Variants in NSG1 observed in about 807,000 individuals in gnomAD.
NSG1 encodes neuronal vesicle trafficking associated 1.
NSG1 carries 9 observed loss-of-function variants against 19.3 expected under a neutral mutation model. The ratio of observed to expected loss-of-function variants is 0.47; its 90% CI spans 0.28 to 0.81. NSG1 has a LOEUF of 0.81. NSG1 is among the 40% of genes least tolerant of loss of function. The pLI, the probability that NSG1 is intolerant of heterozygous loss-of-function variation, is 0.11. For synonymous variants in NSG1, 104 were observed against 107.0 expected (o/e 0.97, Z 0.17); for missense variants, 236 against 242.4 (o/e 0.97, Z 0.18).
In NSG1 at chr4:4,417,333, G is replaced by A. The variant is rs1464785305; in HGVS notation, c.456G>A (p.Leu152=). 6.2e-7 allele frequency: 1 copy of A among 1,614,150 alleles called. No individual in the cohort carries two copies. Among genetic ancestry groups the A allele is most frequent in the Non-Finnish European group, 8.5e-7 (1 of 1,180,040 alleles). Reference sequence around the variant, plus strand: ...ACACAGTCATAAACCACTACAACCTGGCCAAGCAGAGCATCACGCGCTCCG... The same window carrying A: ...ACACAGTCATAAACCACTACAACCTAGCCAAGCAGAGCATCACGCGCTCCG... ...KFYTVINHYN[L]AKQSITRSVS... Residue 152 remains leucine, a synonymous_variant, in exon 5 of 5, where the codon CTG becomes CTA. Coordinates refer to ENST00000621129, the MANE Select transcript of NSG1 (RefSeq NM_014392.5).
intron 4 of NSG1, chr4:4,416,077 CTTCTT>C: frequency 1.4e-6 from 1 of 702,364 alleles, no homozygotes; most frequent in Non-Finnish European, 2.6e-6. Context: ...CACATCCTGG[CTTCTT>C]TACTTGAGCC....
chr4:4,387,561 C>CGGGGGTGGGTGGGG, intron 1 of NSG1, 43 bp from the exon 2 acceptor site: 10 of 1,141,970 alleles, frequency 8.8e-6, no homozygotes, highest in East Asian at 2.7e-5. Context: ...CGCCCCGCCC[C>CGGGGGTGGGTGGGG]GGGTCTTGCT....
chr4:4,388,619 C>T (rs1722854437), intron 2 of NSG1, among the ~76,000 whole-genome samples: 1 of 152,246 alleles, frequency 6.6e-6, no homozygotes, highest in African/African-American at 2.4e-5. Context: ...ACCACCACAG[C>T]CACGAATAAT....
intron 3 of NSG1, among the ~76,000 whole-genome samples, chr4:4,402,371 ATTTTTTTTTTTTTTTTT>A (rs1161754574): frequency 0.066 from 3,568 of 54,036 alleles, 278 homozygotes; most frequent in African/African-American, 0.2. Flanking sequence ...ACGCCTGGTT[ATTTTTTTTTTTTTTTTT>A]TTTTTTTTTT....
At chr4:4,413,719 G>A (rs1724356377) in intron 4 of NSG1, among the ~76,000 whole-genome samples, 1 of 151,882 alleles carries the variant, frequency 6.6e-6, no homozygotes, top group Non-Finnish European at 1.5e-5. Flanking sequence ...CCCTGGAGGA[G>A]GGGGAAGTGA....
chr4:4,412,946 C>A (rs1333831465), intron 4 of NSG1, among the ~76,000 whole-genome samples: 1 of 152,120 alleles, frequency 6.6e-6, no homozygotes, highest in African/African-American at 2.4e-5. Flanking sequence ...CGCAGAGAGT[C>A]CTTACGCGAT....
At chr4:4,391,333 C>T in intron 2 of NSG1, 142 bp from the exon 3 acceptor site, 1 of 632,520 alleles carries the variant, frequency 1.6e-6, no homozygotes. Context: ...GAGGAGATTT[C>T]CAAAAAGTAG....
upstream of NSG1, chr4:4,386,945 G>T (rs2108714829): frequency 6.6e-6 from 1 of 152,196 alleles, no homozygotes; most frequent in East Asian, 1.9e-4. Context: ...GGCGGGCGCT[G>T]CGTCAAGGTG....
At chr4:4,394,304 G>A (rs1020951689) in intron 3 of NSG1, among the ~76,000 whole-genome samples, 6 of 152,134 alleles carry the variant, frequency 3.9e-5, no homozygotes, top group South Asian at 2.1e-4. Context: ...AATGTGCGGC[G>A]CCCTCCTTCC....
intron 3 of NSG1, among the ~76,000 whole-genome samples, chr4:4,406,039 T>C (rs1287994328): frequency 2.0e-5 from 3 of 152,210 alleles, no homozygotes; most frequent in Non-Finnish European, 4.4e-5. Flanking sequence ...AACCCTCTTC[T>C]TTTTTTGAGA....
chr4:4,400,137 G>A (rs1436058774), intron 3 of NSG1, among the ~76,000 whole-genome samples: 1 of 152,212 alleles, frequency 6.6e-6, no homozygotes, highest in African/African-American at 2.4e-5. Context: ...ACTCAATTGA[G>A]TTAGTTTTTA....
At chr4:4,417,029 C>T (rs1409466957) in intron 4 of NSG1, among the ~76,000 whole-genome samples, 1 of 152,178 alleles carries the variant, frequency 6.6e-6, no homozygotes, top group Non-Finnish European at 1.5e-5. Flanking sequence ...ATGGCACTCA[C>T]CAGCCAGTCT....
chr4:4,402,080 G>A (rs969503390), intron 3 of NSG1, among the ~76,000 whole-genome samples: 47 of 141,554 alleles, frequency 3.3e-4, no homozygotes, highest in Middle Eastern at 8.3e-3. Context: ...GCAGAAATGA[G>A]TTATCCCTAT....
Position 4,418,031 on chromosome 4 carries a change from T to C in NSG1, c.*596T>C, listed in dbSNP as rs953279010. The C allele has an allele frequency of 1.3e-5, 2 of 157,112 alleles. No individual in the cohort carries two copies. Among genetic ancestry groups the C allele is most frequent in the African/African-American group, 4.8e-5 (2 of 41,434 alleles). 9.7% of individuals were successfully genotyped at this position (157,112 alleles called of 1,614,324 possible). On this transcript the variant is annotated 3_prime_UTR_variant, in exon 5 of 5. Coordinates refer to ENST00000621129, the MANE Select transcript of NSG1 (RefSeq NM_014392.5). ...TGCAATGTGGCAGGCTCGGTGTGGA[T>C]TGACTACTCCCTCCCCTCTGACTCT...
intron 3 of NSG1, among the ~76,000 whole-genome samples, chr4:4,397,285 A>C (rs1322491445): frequency 6.6e-6 from 1 of 152,050 alleles, no homozygotes; most frequent in Admixed American, 6.5e-5. Context: ...GACCCAGTGC[A>C]TGCCTGGGCT....
At chr4:4,409,179 T>C (rs1724029775) in intron 3 of NSG1, among the ~76,000 whole-genome samples, 1 of 152,196 alleles carries the variant, frequency 6.6e-6, no homozygotes, top group African/African-American at 2.4e-5. Flanking sequence ...AGCGGATGCT[T>C]GGCTGGTAGC....
intron 4 of NSG1, among the ~76,000 whole-genome samples, chr4:4,413,099 C>G (rs1724307359): frequency 6.6e-6 from 1 of 152,152 alleles, no homozygotes; most frequent in Non-Finnish European, 1.5e-5. Context: ...GCCAGCAGCT[C>G]TTGCTATTGT....
chr4:4,404,038 G>A (rs962544711), intron 3 of NSG1, among the ~76,000 whole-genome samples: 23 of 152,226 alleles, frequency 1.5e-4, no homozygotes, highest in African/African-American at 3.9e-4. Flanking sequence ...GAGTCCAGAT[G>A]ATGGGGACAT....
Position 4,418,602 on chromosome 4 carries a change from TTTC to T in NSG1, c.*1172_*1174del, listed in dbSNP as rs1229779614. On this transcript the variant is annotated 3_prime_UTR_variant, in exon 5 of 5. Coordinates refer to ENST00000621129, the MANE Select transcript of NSG1 (RefSeq NM_014392.5). ...CAAATAGAAAAGACATTCGCAGACA[TTTC>T]TTCTATGTTATTGAATGTGTTGTTT... 6.6e-6 allele frequency: 1 copy of T among 152,642 alleles called. No homozygotes were observed. The highest frequency in any genetic ancestry group is 1.5e-5 in the Non-Finnish European group (1 of 68,050). The allele number at this position is 152,642 out of a possible 1,614,324, so 9.5% of individuals were successfully genotyped here.
Sources: allele counts gnomAD v4.1 joint callset (sites outside exome capture counted in the v4.1 genomes callset), GRCh38; gene constraint gnomAD v4.1.1; transcripts MANE v1.5; gene names NCBI Gene and HGNC (gene_info 2026-07-23, HGNC 2026-07-21).